Variants in LRRTM4 observed in about 807,000 individuals in gnomAD.
The protein encoded by LRRTM4 is leucine rich repeat transmembrane neuronal 4, also known as leucine-rich repeat transmembrane neuronal protein 4.
A neutral mutation model predicts 47.6 loss-of-function variants in LRRTM4; 25 were observed. The observed-to-expected ratio is 0.53, with a 90% CI of 0.38 to 0.73. The LOEUF is 0.73. Among genes scored for constraint, LRRTM4 ranks in the 30% least tolerant of loss-of-function variants. The pLI, the probability that LRRTM4 is intolerant of heterozygous loss-of-function variation, is 0.00. For missense variants in LRRTM4, 638 were observed against 713.4 expected (o/e 0.89, Z 1.20); for synonymous variants, 311 against 269.5 (o/e 1.15, Z -1.51).
chr2:76,904,533 A>C (rs1024958618), intron 3 of LRRTM4, among the ~76,000 whole-genome samples: 3 of 152,218 alleles, frequency 2.0e-5, no homozygotes, highest in African/African-American at 7.2e-5. Flanking sequence ...GACTGACTGA[A>C]ACATTATATA....
At chr2:77,159,027 T>A in intron 3 of LRRTM4, among the ~76,000 whole-genome samples, 1 of 152,334 alleles carries the variant, frequency 6.6e-6, no homozygotes, top group East Asian at 1.9e-4. Flanking sequence ...AACCAGACTT[T>A]ATATCACTGT....
intron 3 of LRRTM4, among the ~76,000 whole-genome samples, chr2:77,389,621 T>A (rs1673421791): frequency 6.6e-6 from 1 of 152,114 alleles, no homozygotes; most frequent in African/African-American, 2.4e-5. Flanking sequence ...CCTGGCTGAT[T>A]ATCTCAAAGA....
chr2:77,019,344 G>C (rs368150350), intron 3 of LRRTM4, among the ~76,000 whole-genome samples: 3 of 151,482 alleles, frequency 2.0e-5, no homozygotes, highest in Admixed American at 2.0e-4. Context: ...GCCCTGGAAG[G>C]CCTTAATGCC....
chr2:76,902,974 T>C (rs369402499), intron 3 of LRRTM4, among the ~76,000 whole-genome samples: 389 of 152,292 alleles, frequency 2.6e-3, no homozygotes, highest in African/African-American at 8.9e-3. Context: ...ATTGGGTGGG[T>C]CAAGGTTAAT....
At chr2:77,252,823 C>T (rs977404167) in intron 3 of LRRTM4, among the ~76,000 whole-genome samples, 16 of 152,190 alleles carry the variant, frequency 1.1e-4, no homozygotes, top group African/African-American at 3.6e-4. Flanking sequence ...GAAATTTATT[C>T]TCTTAAAGTT....
At position 77,393,605 on chromosome 2, in the gene LRRTM4, A is replaced by G. The variant is rs137937368; in HGVS notation, c.1551+124713T>C. Among the ~76,000 whole-genome samples, 874 of 152,136 alleles carry G rather than the reference A, an allele frequency of 5.7e-3. 7 individuals are homozygous for G. Among genetic ancestry groups the G allele is most frequent in the African/African-American group, 0.02 (841 of 41,552 alleles). On this transcript the variant is annotated intron_variant, in intron 3 of 3. Transcript: ENST00000409884. ...AAGGCTCTGGGGAAATATTGGCAAG[A>G]TTTTAGCAGACAAGTCACTGTGATC...
intron 3 of LRRTM4, among the ~76,000 whole-genome samples, chr2:76,925,868 G>C (rs914408702): frequency 5.3e-5 from 8 of 152,124 alleles, no homozygotes; most frequent in Non-Finnish European, 8.8e-5. Flanking sequence ...ACCTCACACA[G>C]TATTTATAAT....
At chr2:77,069,684 C>A (rs993360732) in intron 3 of LRRTM4, among the ~76,000 whole-genome samples, 1 of 151,960 alleles carries the variant, frequency 6.6e-6, no homozygotes, top group South Asian at 2.1e-4. Flanking sequence ...TAGTTATGTA[C>A]AGCTTCATAG....
chr2:77,454,182 A>G lies in LRRTM4; in HGVS notation c.1551+64136T>C, dbSNP rs1328393805. Among the ~76,000 whole-genome samples the G allele has an allele frequency of 4.6e-5, 7 of 152,348 alleles. No individual in the cohort carries two copies. The East Asian group carries it at 7.7e-4, about 17-fold the overall frequency. On this transcript the variant is annotated intron_variant, in intron 3 of 3. Transcript: ENST00000409884. ...CTATTAAAGCAGAAATTCATGAATT[A>G]ATGTAAATAATATTTTAAAAAACTT...
intron 3 of LRRTM4, among the ~76,000 whole-genome samples, chr2:76,986,581 A>G (rs1052673556): frequency 1.3e-5 from 2 of 151,940 alleles, no homozygotes; most frequent in Non-Finnish European, 2.9e-5. Context: ...AATTACAAAG[A>G]TTTATCTTGC....
At chr2:77,184,362 C>T (rs1201636738) in intron 3 of LRRTM4, among the ~76,000 whole-genome samples, 1 of 152,038 alleles carries the variant, frequency 6.6e-6, no homozygotes, top group Non-Finnish European at 1.5e-5. Flanking sequence ...AAGGAAGTGG[C>T]AGCAACTAGG....
At chr2:77,219,906 T>G (rs908801205) in intron 3 of LRRTM4, among the ~76,000 whole-genome samples, 1 of 152,126 alleles carries the variant, frequency 6.6e-6, no homozygotes, top group Admixed American at 6.5e-5. Flanking sequence ...GCAGACTGCC[T>G]CCTCAAGTGG....
intron 3 of LRRTM4, among the ~76,000 whole-genome samples, chr2:76,794,790 C>G (rs1326047893): frequency 1.3e-5 from 2 of 151,872 alleles, no homozygotes; most frequent in East Asian, 3.9e-4. Context: ...CTGTACCCAC[C>G]AGAGCCAGTA....
At position 77,086,066 on chromosome 2, in the gene LRRTM4, A is replaced by G. The variant is rs138616949; in HGVS notation, c.1552-337150T>C. Among the ~76,000 whole-genome samples, 333 of 152,308 alleles carry G rather than the reference A, an allele frequency of 2.2e-3. 4 individuals carry two copies. The highest frequency in any genetic ancestry group is 6.6e-3 in the African/African-American group (275 of 41,558). On this transcript the variant is annotated intron_variant, in intron 3 of 3. Transcript: ENST00000409884. ...TATCCTATGAAAGATGGCCTTGATT[A>G]TATTTGTTAAGTAATTCAGAATTTC...
At chr2:76,786,438 T>C (rs1047956401) in intron 3 of LRRTM4, among the ~76,000 whole-genome samples, 2 of 152,162 alleles carry the variant, frequency 1.3e-5, no homozygotes, top group African/African-American at 2.4e-5. Flanking sequence ...AGTTCTTATA[T>C]AGCAATTCTT....
intron 3 of LRRTM4, among the ~76,000 whole-genome samples, chr2:77,450,052 C>A (rs1676197837): frequency 6.6e-6 from 1 of 152,080 alleles, no homozygotes; most frequent in African/African-American, 2.4e-5. Context: ...GCACCTAGTT[C>A]AAGTAACATA....
intron 3 of LRRTM4, among the ~76,000 whole-genome samples, chr2:76,865,274 A>G (rs978930630): frequency 2.0e-5 from 3 of 152,152 alleles, no homozygotes; most frequent in African/African-American, 7.2e-5. Context: ...TAGTCAAAAA[A>G]TATTTATGGG....
At chr2:77,398,377 T>G (rs1292285343) in intron 3 of LRRTM4, among the ~76,000 whole-genome samples, 1 of 151,918 alleles carries the variant, frequency 6.6e-6, no homozygotes, top group Non-Finnish European at 1.5e-5. Context: ...TAAGCACATA[T>G]TATGCATATT....
intron 3 of LRRTM4, among the ~76,000 whole-genome samples, chr2:77,057,021 TC>T (rs1435652147): frequency 5.3e-5 from 8 of 152,244 alleles, no homozygotes; most frequent in African/African-American, 1.9e-4. Flanking sequence ...CCATGACTAT[TC>T]TTTTGCATAT....
Sources: gnomAD v4.1 joint callset for allele counts (sites outside exome capture counted in the v4.1 genomes callset) on GRCh38, gnomAD v4.1.1 for gene constraint, MANE v1.5 for transcripts, NCBI Gene and HGNC (gene_info 2026-07-23, HGNC 2026-07-21) for gene names.